The following DNAH6 variants were observed in gnomAD, a reference collection of about 807,000 sequenced individuals.
The protein encoded by DNAH6 is axonemal beta dynein heavy chain 6.
DNAH6 carries 340 observed loss-of-function variants against 491.4 expected under a neutral mutation model. The ratio of observed to expected loss-of-function variants is 0.69; its 90% CI spans 0.63 to 0.76. DNAH6 has a LOEUF of 0.76. DNAH6 is among the 30% of genes least tolerant of loss of function. DNAH6 has a pLI of 0.00. For synonymous variants in DNAH6, 1,603 were observed against 1,686.1 expected, an observed-to-expected ratio of 0.95 and a Z score of 1.21; for missense variants, 4,443 against 4,972.2, an observed-to-expected ratio of 0.89 and a Z score of 3.20.
intron 42 of DNAH6, among the ~76,000 whole-genome samples, chr2:84,682,645 C>G (rs117060957): frequency 1.3e-5 from 2 of 152,162 alleles, no homozygotes; most frequent in Non-Finnish European, 2.9e-5. Flanking sequence ...TACCCCGGCC[C>G]CAGAGGAGAC....
At chr2:84,606,887 T>G (rs1198103101) in intron 20 of DNAH6, 89 bp from the exon 21 acceptor site, 9 of 1,380,280 alleles carry the variant, frequency 6.5e-6, no homozygotes, top group African/African-American at 5.8e-5. Flanking sequence ...AGTTGACTTT[T>G]AAGTAGACAC....
intron 30 of DNAH6, among the ~76,000 whole-genome samples, chr2:84,636,761 C>A (rs1391162814): frequency 1.3e-5 from 2 of 151,964 alleles, no homozygotes; most frequent in East Asian, 3.9e-4. Flanking sequence ...GTGGGGTGTG[C>A]CTGTGGTCCC....
At chr2:84,590,873 G>T (rs760875240) in intron 16 of DNAH6, among the ~76,000 whole-genome samples, 16 of 152,162 alleles carry the variant, frequency 1.1e-4, no homozygotes, top group Admixed American at 7.2e-4. Flanking sequence ...CACTTTAGGG[G>T]TCTGGCTGAG....
chr2:84,796,360 G>T lies in DNAH6; in HGVS notation c.11294G>T (p.Arg3765Leu). 1 of 1,523,928 alleles carries T rather than the reference G, an allele frequency of 6.6e-7. No individual in the cohort carries two copies. The highest frequency in any genetic ancestry group is 8.9e-7 in the Non-Finnish European group (1 of 1,128,958). 94.4% of individuals were successfully genotyped at this position (1,523,928 alleles called of 1,614,324 possible). A position where few individuals can be genotyped will look rare whatever the true frequency, so the allele number is the denominator to read the frequency against. ...GACAGCTGGGACCAAAGATGCCTTC[G>T]TACTATCTTGAAAAGATTTTTTTCT... ...VTDSWDQRCL[R>L]TILKRFFSPE... Residue 3765 changes from arginine to leucine, a missense_variant, in exon 69 of 77, where the codon CGT (arginine) becomes CTT (leucine). By Grantham distance (102) the Arg-to-Leu change is moderately radical. Around this residue, in one of 3 missense-constraint regions of DNAH6, gnomAD observed 1,463 missense variants for 1,656.6 expected, o/e 0.88. Coordinates refer to ENST00000389394, the MANE Select transcript of DNAH6 (RefSeq NM_001370.2).
At chr2:84,640,033 G>A (rs935770345) in intron 31 of DNAH6, among the ~76,000 whole-genome samples, 2 of 152,190 alleles carry the variant, frequency 1.3e-5, no homozygotes, top group Non-Finnish European at 1.5e-5. Context: ...GGGAGCTGGT[G>A]GTAATCACTC....
intron 10 of DNAH6, 87 bp downstream of exon 10, chr2:84,553,121 G>A (rs562462763): frequency 6.8e-6 from 5 of 733,724 alleles, no homozygotes; most frequent in African/African-American, 1.8e-5. Flanking sequence ...TGTCAGAATT[G>A]CAGTTGTCAC....
intron 63 of DNAH6, among the ~76,000 whole-genome samples, chr2:84,759,973 G>A (rs1196016670): frequency 6.6e-6 from 1 of 152,100 alleles, no homozygotes; most frequent in African/African-American, 2.4e-5. Context: ...TAAATACATA[G>A]ATCAATGGAA....
At chr2:84,629,514 A>G (rs1167260323) in intron 29 of DNAH6, among the ~76,000 whole-genome samples, 5 of 152,160 alleles carry the variant, frequency 3.3e-5, no homozygotes, top group Admixed American at 2.6e-4. Flanking sequence ...TCAAATGTTT[A>G]TACTGTAGGA....
chr2:84,648,330 A>G (rs566930342), intron 33 of DNAH6, among the ~76,000 whole-genome samples: 1 of 152,352 alleles, frequency 6.6e-6, no homozygotes, highest in East Asian at 1.9e-4. Flanking sequence ...TAGCCCATGG[A>G]TCAAGGAGTA....
the DNAH6 span, among the ~76,000 whole-genome samples, chr2:84,503,446 A>G: frequency 1.3e-5 from 2 of 152,114 alleles, no homozygotes; most frequent in Non-Finnish European, 2.9e-5. Context: ...CACCACAGTT[A>G]CAGTGTTATA....
chr2:84,698,548 C>G (rs1037569269), intron 47 of DNAH6, among the ~76,000 whole-genome samples: 9 of 152,208 alleles, frequency 5.9e-5, no homozygotes, highest in African/African-American at 2.2e-4. Flanking sequence ...TCTGCATCAG[C>G]CGCCAGCTCC....
At chr2:84,713,537 C>G (rs954575490) in intron 57 of DNAH6, among the ~76,000 whole-genome samples, 16 of 152,240 alleles carry the variant, frequency 1.1e-4, no homozygotes, top group African/African-American at 3.6e-4. Context: ...TGCACCTCTC[C>G]AGTGCCCTCG....
At chr2:84,653,906 A>G in intron 34 of DNAH6, 32 bp downstream of exon 34, 1 of 1,485,886 alleles carries the variant, frequency 6.7e-7, no homozygotes. Flanking sequence ...GAGTGAAATC[A>G]TTCATTAAAT....
At chr2:84,546,252 A>T (rs1234554526) in intron 5 of DNAH6, among the ~76,000 whole-genome samples, 1 of 152,174 alleles carries the variant, frequency 6.6e-6, no homozygotes, top group East Asian at 1.9e-4. Context: ...CGGATGCTCA[A>T]GTCCCTTATA....
chr2:84,472,034 T>C, the DNAH6 span, among the ~76,000 whole-genome samples: 16 of 152,330 alleles, frequency 1.1e-4, no homozygotes, highest in Non-Finnish European at 2.1e-4. Context: ...CAGCTCTTAG[T>C]ATGTGCATCC....
At chr2:84,645,273 G>A in intron 33 of DNAH6, among the ~76,000 whole-genome samples, 1 of 152,148 alleles carries the variant, frequency 6.6e-6, no homozygotes, top group Non-Finnish European at 1.5e-5. Context: ...TACAAAATTA[G>A]CTGGGCATGG....
chr2:84,529,006 C>A lies in DNAH6; in HGVS notation c.502C>A (p.Pro168Thr). 2 of 1,551,068 alleles carry A rather than the reference C, an allele frequency of 1.3e-6. No homozygotes were observed. The highest frequency in any genetic ancestry group is 1.7e-6 in the Non-Finnish European group (2 of 1,146,708). ...CTTTGGGACTAGATCTTCAGCTTAC[C>A]CTAAGTACACTTTTCACGACCGAGA... ...GLFGTRSSAY[P>T]KYTFHDREEV... is the part of the protein sequence containing the mutation. The change falls in exon 4 of 77, where the codon CCT becomes ACT. Residue 168 changes from proline to threonine, a missense_variant. Around this residue, in one of 3 missense-constraint regions of DNAH6, gnomAD observed 2,977 missense variants for 3,296.6 expected, o/e 0.90. Coordinates refer to ENST00000389394, the MANE Select transcript of DNAH6 (RefSeq NM_001370.2).
At chr2:84,818,177 G>C (rs1205730717) in intron 76 of DNAH6, among the ~76,000 whole-genome samples, 5 of 152,134 alleles carry the variant, frequency 3.3e-5, no homozygotes, top group African/African-American at 1.2e-4. Flanking sequence ...GTCCTATGTA[G>C]TAGTCATCAA....
At chr2:84,531,090 C>T (rs1677123642) in intron 4 of DNAH6, among the ~76,000 whole-genome samples, 1 of 152,084 alleles carries the variant, frequency 6.6e-6, no homozygotes, top group South Asian at 2.1e-4. Flanking sequence ...TGGGAAAACT[C>T]AAGGCCAAGA....
Sources: gnomAD v4.1 joint callset for allele counts (sites outside exome capture counted in the v4.1 genomes callset) on GRCh38, gnomAD v4.1.1 for gene constraint, gnomAD v4.1.1 regional missense constraint, MANE v1.5 for transcripts, NCBI Gene and HGNC (gene_info 2026-07-23, HGNC 2026-07-21) for gene names.